The following NMT1 variants were observed in gnomAD, a reference collection of about 807,000 sequenced individuals.
NMT1 encodes N-myristoyltransferase 1.
Under a neutral mutation model 63.4 loss-of-function variants are expected in NMT1, and 12 were observed. The observed-to-expected ratio is 0.19, with a 90% CI of 0.12 to 0.31. The LOEUF (loss-of-function observed/expected upper bound fraction) is 0.31, where lower values mean the gene tolerates loss of function less well. Among genes scored for constraint, NMT1 ranks in the 10% least tolerant of loss-of-function variants. NMT1 has a pLI of 1.00. For missense variants in NMT1, 432 were observed against 634.6 expected, an observed-to-expected ratio of 0.68 and a Z score of 3.43; for synonymous variants, 228 against 234.3, an observed-to-expected ratio of 0.97 and a Z score of 0.25.
intron 2 of NMT1, among the ~76,000 whole-genome samples, chr17:45,083,371 C>T (rs2054029645): frequency 6.6e-6 from 1 of 151,042 alleles, no homozygotes; most frequent in Non-Finnish European, 1.5e-5. Flanking sequence ...GCCTCTGAAA[C>T]AGTTTATAAG....
At chr17:45,100,409 A>G (rs993808263) in intron 8 of NMT1, among the ~76,000 whole-genome samples, 2 of 151,138 alleles carry the variant, frequency 1.3e-5, no homozygotes, top group Non-Finnish European at 3.0e-5. Flanking sequence ...TAGTAAAAAT[A>G]TAAAAAATTA....
Position 45,098,708 on chromosome 17 carries a change from G to T in NMT1, c.884+156G>T, listed in dbSNP as rs997416578. On this transcript the variant is annotated intron_variant, in intron 7 of 11. Transcript: ENST00000258960. ...GGTGCCTGCAGGAGCCAGATGGGGA[G>T]CATGGAGAGGGCGGGAGGGTTGTAG... 6.1e-6 allele frequency: 4 copies of T among 654,964 alleles called. No homozygotes were observed. In the African/African-American group the frequency reaches 7.3e-5, roughly 12 times the overall value. 40.6% of individuals were successfully genotyped at this position (654,964 alleles called of 1,614,324 possible). A position where few individuals can be genotyped will look rare whatever the true frequency, so the allele number is the denominator to read the frequency against.
chr17:45,102,234 G>T (rs939007267), intron 8 of NMT1, among the ~76,000 whole-genome samples: 1 of 152,236 alleles, frequency 6.6e-6, no homozygotes, highest in Admixed American at 6.5e-5. Context: ...CACCCTGTTT[G>T]CAGATTGCCC....
Position 45,105,807 on chromosome 17 carries a change from G to A in NMT1, c.*168G>A. 1 of 607,198 alleles carries A rather than the reference G, an allele frequency of 1.6e-6. No individual in the cohort carries two copies. Among genetic ancestry groups the A allele is most frequent in the Non-Finnish European group, 2.8e-6 (1 of 353,942 alleles). 37.6% of individuals were successfully genotyped at this position (607,198 alleles called of 1,614,324 possible). A position where few individuals can be genotyped will look rare whatever the true frequency, so the allele number is the denominator to read the frequency against. On this transcript the variant is annotated 3_prime_UTR_variant, in exon 12 of 12. Transcript: ENST00000258960. This position sits in a 1 kb window ranked among gnomAD's most constrained non-coding sequence, Gnocchi z 4.2. ...CGAACTTGACAATTGTATTGCGATG[G>A]CGTGGGCTGCGTGACGTCACCTCCG...
chr17:45,066,146 C>T (rs1233015757), intron 1 of NMT1, among the ~76,000 whole-genome samples: 4 of 152,040 alleles, frequency 2.6e-5, no homozygotes, highest in African/African-American at 7.2e-5. Flanking sequence ...CTCTGCCTCC[C>T]GGGTTCAAGA....
In NMT1 at chr17:45,061,468, A is replaced by C; in HGVS notation, c.131+8A>C. On this transcript the variant is annotated splice_region_variant and intron_variant, in intron 1 of 11. Coordinates refer to ENST00000258960, the MANE Select transcript of NMT1 (RefSeq NM_021079.5). ...CAACAGCTACAACCGGGGGTAACGA[A>C]ATCCTCGGAGTCCAATTCCCGTCCA... 1 of 1,610,844 alleles carries C rather than the reference A, an allele frequency of 6.2e-7. No individual in the cohort carries two copies. The highest frequency in any genetic ancestry group is 1.3e-5 in the African/African-American group (1 of 74,944).
chr17:45,106,912 A>T lies in NMT1; in HGVS notation c.*1273A>T, dbSNP rs2054205896. On this transcript the variant is annotated 3_prime_UTR_variant, in exon 12 of 12. Coordinates refer to ENST00000258960, the MANE Select transcript of NMT1 (RefSeq NM_021079.5). ...CTGCCAGTTTCCCAAAACGTAATCAAGCCTCTGGTCACATGGCTGTCGATG... is the reference window on the plus strand; with the variant it reads ...CTGCCAGTTTCCCAAAACGTAATCATGCCTCTGGTCACATGGCTGTCGATG... 1 of 152,450 alleles carries T rather than the reference A, an allele frequency of 6.6e-6. No individual in the cohort carries two copies. Among genetic ancestry groups the T allele is most frequent in the African/African-American group, 2.4e-5 (1 of 41,456 alleles). The allele number at this position is 152,450 out of a possible 1,614,324, so 9.4% of individuals were successfully genotyped here. A position where few individuals can be genotyped will look rare whatever the true frequency, so the allele number is the denominator to read the frequency against.
Position 45,103,774 on chromosome 17 carries a change from T to C in NMT1, c.1230T>C (p.His410=). Residue 410 remains histidine (H), a synonymous_variant, in exon 10 of 12, where the codon CAT becomes CAC. Coordinates refer to ENST00000258960, the MANE Select transcript of NMT1 (RefSeq NM_021079.5). The surrounding 1 kb of genome is among the most constrained non-coding windows in gnomAD (Gnocchi z 4.8). The part of the protein sequence containing the change: ...FYTLPSTIMN[H]PTHKSLKAAY... ...CGCTGCCCTCCACCATCATGAACCA[T>C]CCAACCCACAAGAGTCTCAAAGCTG... 6.2e-7 allele frequency: 1 copy of C among 1,614,118 alleles called. No individual in the cohort carries two copies. The highest frequency in any genetic ancestry group is 8.5e-7 in the Non-Finnish European group (1 of 1,180,016).
At position 45,105,129 on chromosome 17, in the gene NMT1, C is replaced by T. The variant is rs997992357; in HGVS notation, c.1470+133C>T. 2 of 1,188,498 alleles carry T rather than the reference C, an allele frequency of 1.7e-6. No individual in the cohort carries two copies. Among genetic ancestry groups the T allele is most frequent in the Non-Finnish European group, 1.2e-6 (1 of 847,260 alleles). The allele number at this position is 1,188,498 out of a possible 1,614,324, so 73.6% of individuals were successfully genotyped here. On this transcript the variant is annotated intron_variant, in intron 11 of 11. Coordinates refer to ENST00000258960, the MANE Select transcript of NMT1 (RefSeq NM_021079.5). The surrounding 1 kb of genome is among the most constrained non-coding windows in gnomAD (Gnocchi z 4.2). ...ACCTCGAGTTGAACCTTTGAAAATGCCCTCCCTCTGCTGGCCAGACCAGCA... is the reference window on the plus strand; with the variant it reads ...ACCTCGAGTTGAACCTTTGAAAATGTCCTCCCTCTGCTGGCCAGACCAGCA...
Position 45,103,885 on chromosome 17 carries a change from CA to C in NMT1, c.1332+10del. On this transcript the variant is annotated intron_variant, in intron 10 of 11. Coordinates refer to ENST00000258960, the MANE Select transcript of NMT1 (RefSeq NM_021079.5). The surrounding 1 kb of genome is among the most constrained non-coding windows in gnomAD (Gnocchi z 4.8). ...TTGTCCTCGCCAAAATGGTGAGGAG[CA>C]GACGGGGGGGTCTCTGGAGATGTGC... 1 of 1,613,288 alleles carries C rather than the reference CA, an allele frequency of 6.2e-7. No homozygotes were observed. Among genetic ancestry groups the C allele is most frequent in the South Asian group, 1.1e-5 (1 of 91,078 alleles).
At chr17:45,073,244 C>A (rs574866340) in intron 1 of NMT1, among the ~76,000 whole-genome samples, 1 of 152,012 alleles carries the variant, frequency 6.6e-6, no homozygotes, top group Admixed American at 6.6e-5. Context: ...CATGGTGAAA[C>A]CCTGTCTCTA....
At chr17:45,084,361 G>A (rs1598010521) in intron 2 of NMT1, among the ~76,000 whole-genome samples, 1 of 142,994 alleles carries the variant, frequency 7.0e-6, no homozygotes, top group South Asian at 2.1e-4. Context: ...GCGAGACGGA[G>A]TCTCGCTCTG....
chr17:45,103,828 G>T lies in NMT1; in HGVS notation c.1284G>T (p.Gln428His), dbSNP rs1462397852. The change falls in exon 10 of 12, where the codon CAG becomes CAT. Residue 428 changes from glutamine (Q) to histidine (H), a missense_variant. By Grantham distance (24) the Gln-to-His change is conservative. Transcript: ENST00000258960. The surrounding 1 kb of genome is among the most constrained non-coding windows in gnomAD (Gnocchi z 4.8). ...ATTCTTTCTACAACGTTCACACCCA[G>T]ACCCCTCTTCTAGACCTCATGAGCG... is the stretch of plus-strand genomic sequence containing the variant. ...AAYSFYNVHT[Q>H]TPLLDLMSDA... 1 of 1,614,026 alleles carries T rather than the reference G, an allele frequency of 6.2e-7. No individual in the cohort carries two copies. The highest frequency in any genetic ancestry group is 2.2e-5 in the East Asian group (1 of 44,878).
intron 7 of NMT1, chr17:45,098,834 T>C (rs2054143040): frequency 1.3e-5 from 5 of 381,052 alleles, no homozygotes; most frequent in Non-Finnish European, 2.4e-5. Flanking sequence ...GTGGTTTGTT[T>C]TTGTTTTTAG....
At chr17:45,078,222 T>C (rs571418419) in intron 1 of NMT1, among the ~76,000 whole-genome samples, 7 of 152,330 alleles carry the variant, frequency 4.6e-5, no homozygotes, top group African/African-American at 1.7e-4. Flanking sequence ...GAAGCCGCTG[T>C]TACTCTAGGA....
At chr17:45,065,698 T>TGA (rs2053898399) in intron 1 of NMT1, among the ~76,000 whole-genome samples, 1 of 151,936 alleles carries the variant, frequency 6.6e-6, no homozygotes, top group African/African-American at 2.4e-5. Flanking sequence ...TTTCCACTGT[T>TGA]GTGTGCTTTC....
intron 3 of NMT1, among the ~76,000 whole-genome samples, chr17:45,088,462 A>T (rs1345875181): frequency 6.6e-6 from 1 of 152,242 alleles, no homozygotes; most frequent in Admixed American, 6.5e-5. Context: ...CTTGGGAAAG[A>T]GGCAGATTGA....
intron 1 of NMT1, among the ~76,000 whole-genome samples, chr17:45,074,171 C>G (rs2053962109): frequency 6.6e-6 from 1 of 151,526 alleles, no homozygotes; most frequent in Non-Finnish European, 1.5e-5. Context: ...CTTAGGATGT[C>G]TTACATCTTT....
intron 1 of NMT1, among the ~76,000 whole-genome samples, chr17:45,069,335 A>G (rs1351606793): frequency 6.6e-6 from 1 of 151,030 alleles, no homozygotes; most frequent in African/African-American, 2.4e-5. Context: ...TCTGTTGCCC[A>G]GGCTGGAGTG....
Sources: allele counts gnomAD v4.1 joint callset (sites outside exome capture counted in the v4.1 genomes callset), GRCh38; gene constraint gnomAD v4.1.1; non-coding constraint Gnocchi (gnomAD v3.1); transcripts MANE v1.5; gene names NCBI Gene and HGNC (gene_info 2026-07-23, HGNC 2026-07-21).